Variants in AUTS2 observed in about 807,000 individuals in gnomAD.
AUTS2 encodes autism susceptibility gene 2 protein.
AUTS2 carries 17 observed loss-of-function variants against 112.4 expected under a neutral mutation model. The observed-to-expected ratio is 0.15, with a 90% confidence interval of 0.10 to 0.23. The LOEUF (loss-of-function observed/expected upper bound fraction) is 0.23. AUTS2 is among the 10% of genes least tolerant of loss of function. The pLI is 1.00. For synonymous variants in AUTS2, 751 were observed against 702.7 expected, an observed-to-expected ratio of 1.07 and a Z score of -1.09; for missense variants, 1,510 against 1,701.6, an observed-to-expected ratio of 0.89 and a Z score of 1.98.
chr7:70,685,166 G>A (rs903601969), intron 5 of AUTS2, among the ~76,000 whole-genome samples: 2 of 152,054 alleles, frequency 1.3e-5, no homozygotes, highest in African/African-American at 4.8e-5. Flanking sequence ...AGGGTCCTCA[G>A]ATCAGATACA....
Position 70,738,418 on chromosome 7 carries a change from G to GTTT in AUTS2, c.743-24440_743-24438dup, listed in dbSNP as rs10683693. On this transcript the variant is annotated intron_variant, in intron 6 of 18. Transcript: ENST00000342771. ...AGCAAAAAGTTGGAACAAGTTTTTT[G>GTTT]TTTTTTTTTTTTTTACTTTTTGGAC... Among the ~76,000 whole-genome samples the GTTT allele has an allele frequency of 5.9e-3, 840 of 142,912 alleles. 3 individuals carry two copies. Among genetic ancestry groups the GTTT allele is most frequent in the African/African-American group, 0.018 (703 of 38,810 alleles). The allele number at this position is 142,912 out of a possible 152,430, so 93.8% of individuals were successfully genotyped here.
intron 1 of AUTS2, among the ~76,000 whole-genome samples, chr7:69,627,506 AAAAC>A (rs1562769724): frequency 6.6e-6 from 1 of 152,098 alleles, no homozygotes; most frequent in African/African-American, 2.4e-5. Flanking sequence ...AAACCCCAAA[AAAAC>A]AAACAAAAAA....
chr7:70,568,506 A>G (rs1013592384), intron 5 of AUTS2, among the ~76,000 whole-genome samples: 2 of 152,206 alleles, frequency 1.3e-5, no homozygotes, highest in Non-Finnish European at 2.9e-5. Context: ...TTTTTACAGA[A>G]GAGCCAGGGC....
chr7:69,662,606 G>C (rs1395490307), intron 1 of AUTS2, among the ~76,000 whole-genome samples: 1 of 152,184 alleles, frequency 6.6e-6, no homozygotes, highest in East Asian at 1.9e-4. Flanking sequence ...TAACCTTATA[G>C]GGCTGGAGCC....
In AUTS2 at chr7:69,831,349, G is replaced by A. The variant is rs565738513; in HGVS notation, c.310-67937G>A. On this transcript the variant is annotated intron_variant, in intron 1 of 18. Coordinates refer to ENST00000342771, the MANE Select transcript of AUTS2 (RefSeq NM_015570.4). ...GGCTTGGGGCATCATTGCTGGAAAT[G>A]AGATGCCTAACTCCAGGACTTCATC... Among the ~76,000 whole-genome samples the A allele has an allele frequency of 1.7e-3, 255 of 152,310 alleles. 8 individuals are homozygous for A. The South Asian group carries it at 0.05, about 30-fold the overall frequency.
At position 70,506,186 on chromosome 7, in the gene AUTS2, T is replaced by C. The variant is rs145678473; in HGVS notation, c.690+70405T>C. ...AGCCAATCAGGATCATAACAGAAGG[T>C]AGAAGATTTCCCCAGATTGAGAGGA... On this transcript the variant is annotated intron_variant, in intron 5 of 18. Coordinates refer to ENST00000342771, the MANE Select transcript of AUTS2 (RefSeq NM_015570.4). Among the ~76,000 whole-genome samples the C allele has an allele frequency of 2.2e-3, 331 of 151,878 alleles. 1 individual carries two copies. The highest frequency in any genetic ancestry group is 7.7e-3 in the African/African-American group (317 of 41,384).
intron 2 of AUTS2, among the ~76,000 whole-genome samples, chr7:70,040,758 A>T (rs1340492806): frequency 6.6e-6 from 1 of 152,170 alleles, no homozygotes; most frequent in East Asian, 1.9e-4. Flanking sequence ...GGTGGGGTGG[A>T]TACTCTCTAA....
chr7:70,032,177 G>A (rs547848392), intron 2 of AUTS2, among the ~76,000 whole-genome samples: 153 of 152,154 alleles, frequency 1.0e-3, no homozygotes, highest in African/African-American at 3.6e-3. Flanking sequence ...GGACATAAAT[G>A]TACTGTACAA....
chr7:69,894,251 CG>C (rs1794644001), intron 1 of AUTS2, among the ~76,000 whole-genome samples: 1 of 44,028 alleles, frequency 2.3e-5, no homozygotes, highest in African/African-American at 1.2e-4. Flanking sequence ...TGCCTTAAAG[CG>C]TTTTTTTTTT....
intron 5 of AUTS2, among the ~76,000 whole-genome samples, chr7:70,653,591 G>A (rs1475039211): frequency 6.6e-6 from 1 of 152,194 alleles, no homozygotes; most frequent in Non-Finnish European, 1.5e-5. Flanking sequence ...TGAAGGGCAT[G>A]TTTCTCAAAA....
intron 5 of AUTS2, among the ~76,000 whole-genome samples, chr7:70,696,542 A>C (rs542374074): frequency 2.0e-5 from 3 of 152,300 alleles, no homozygotes; most frequent in African/African-American, 7.2e-5. Context: ...TCGGCATCAT[A>C]ATAATGGCAT....
intron 5 of AUTS2, among the ~76,000 whole-genome samples, chr7:70,688,055 C>G (rs1808558433): frequency 6.6e-6 from 1 of 152,192 alleles, no homozygotes; most frequent in Non-Finnish European, 1.5e-5. Flanking sequence ...CCTTGCTTGA[C>G]TGCCATGAGT....
chr7:70,273,472 T>TTAA (rs1787787456), intron 4 of AUTS2, among the ~76,000 whole-genome samples: 1 of 71,558 alleles, frequency 1.4e-5, no homozygotes, highest in Non-Finnish European at 2.7e-5. Context: ...CCTATAGCTT[T>TTAA]TATTATTATT....
chr7:70,786,563 C>T (rs1472924457), intron 17 of AUTS2, among the ~76,000 whole-genome samples: 1 of 152,162 alleles, frequency 6.6e-6, no homozygotes, highest in Non-Finnish European at 1.5e-5. Flanking sequence ...AAAAGCCCAT[C>T]TCGATTAGGA....
chr7:70,767,928 G>A (rs980698637), intron 9 of AUTS2, 96 bp from the exon 10 acceptor site: 3 of 1,216,716 alleles, frequency 2.5e-6, no homozygotes, highest in African/African-American at 1.5e-5. Flanking sequence ...TCTCATGACA[G>A]CTTAATGACA....
chr7:69,723,537 A>G (rs1208963468), intron 1 of AUTS2, among the ~76,000 whole-genome samples: 1 of 152,170 alleles, frequency 6.6e-6, no homozygotes, highest in African/African-American at 2.4e-5. Context: ...AAGATACTGT[A>G]TCTTCCCACA....
chr7:69,955,538 A>C (rs1562992945), intron 2 of AUTS2, among the ~76,000 whole-genome samples: 1 of 152,190 alleles, frequency 6.6e-6, no homozygotes, highest in Non-Finnish European at 1.5e-5. Context: ...GAGAGAGTCC[A>C]GTGGTGGCAG....
intron 4 of AUTS2, among the ~76,000 whole-genome samples, chr7:70,273,111 C>T (rs1238488619): frequency 3.9e-5 from 6 of 152,102 alleles, no homozygotes; most frequent in Admixed American, 1.3e-4. Flanking sequence ...TGCAGTGGCA[C>T]GATCTTGGCT....
intron 5 of AUTS2, among the ~76,000 whole-genome samples, chr7:70,686,482 C>T (rs560582482): frequency 2.5e-4 from 38 of 152,210 alleles, no homozygotes; most frequent in Non-Finnish European, 4.0e-4. Context: ...GACCAACTAC[C>T]TCTTAGTTGT....
Sources: gnomAD v4.1 joint callset for allele counts (sites outside exome capture counted in the v4.1 genomes callset) on GRCh38, gnomAD v4.1.1 for gene constraint, MANE v1.5 for transcripts, NCBI Gene and HGNC (gene_info 2026-07-23, HGNC 2026-07-21) for gene names.